Variants in TRIO observed in about 807,000 individuals in gnomAD.
TRIO encodes trio Rho guanine nucleotide exchange factor, also known as triple functional domain protein.
A neutral mutation model predicts 351.9 loss-of-function variants in TRIO; 58 were observed. The ratio of observed to expected loss-of-function variants is 0.16; its 90% confidence interval spans 0.13 to 0.21. TRIO has a LOEUF of 0.21. TRIO is among the 10% of genes least tolerant of loss of function. TRIO has a pLI of 1.00. For synonymous variants in TRIO, 1,758 were observed against 1,595.7 expected, an observed-to-expected ratio of 1.10 and a Z score of -2.42; for missense variants, 3,201 against 4,027.8, an observed-to-expected ratio of 0.79 and a Z score of 5.56.
chr5:14,500,707 G>A (rs1007497467), intron 53 of TRIO, among the ~76,000 whole-genome samples: 7 of 152,062 alleles, frequency 4.6e-5, no homozygotes, highest in Admixed American at 6.6e-5. Flanking sequence ...CAGCAACATG[G>A]CAAAACACCA....
intron 10 of TRIO, among the ~76,000 whole-genome samples, chr5:14,335,976 C>A (rs891218848): frequency 6.6e-6 from 1 of 151,938 alleles, no homozygotes. Flanking sequence ...AGCTGGAAAA[C>A]AAAACAGAAA....
intron 1 of TRIO, among the ~76,000 whole-genome samples, chr5:14,145,852 T>G (rs1787493498): frequency 6.6e-6 from 1 of 152,234 alleles, no homozygotes; most frequent in South Asian, 2.1e-4. Flanking sequence ...CTCTTGGCTT[T>G]GCTTAGGCCT....
At chr5:14,464,729 C>T (rs757064409) in intron 36 of TRIO, among the ~76,000 whole-genome samples, 16 of 152,312 alleles carry the variant, frequency 1.1e-4, no homozygotes, top group African/African-American at 2.4e-4. Context: ...CAGGACAGCC[C>T]GCTGTGGGTC....
At position 14,492,642 on chromosome 5, in the gene TRIO, A is replaced by T; in HGVS notation, c.7708A>T (p.Ile2570Phe). 6.2e-7 allele frequency: 1 copy of T among 1,614,200 alleles called. No individual in the cohort carries two copies. The highest frequency in any genetic ancestry group is 2.2e-5 in the East Asian group (1 of 44,892). The part of the protein sequence containing the change: ...HDYTAVKEDE[I>F]NVYQGEVVQI... Reference sequence around the variant, plus strand: ...TTACACGGCAGTGAAGGAGGATGAGATCAACGTCTACCAAGGAGAGGTCGT... The same window carrying T: ...TTACACGGCAGTGAAGGAGGATGAGTTCAACGTCTACCAAGGAGAGGTCGT... The change falls in exon 49 of 57, where the codon ATC (isoleucine) becomes TTC (phenylalanine). Residue 2570 changes from isoleucine (I) to phenylalanine (F), a missense_variant. By Grantham distance (21) the Ile-to-Phe change is conservative (BLOSUM62 0). Coordinates refer to ENST00000344204, the MANE Select transcript of TRIO (RefSeq NM_007118.4).
intron 1 of TRIO, among the ~76,000 whole-genome samples, chr5:14,186,366 T>A (rs1790110903): frequency 6.6e-6 from 1 of 152,150 alleles, no homozygotes; most frequent in Non-Finnish European, 1.5e-5. Context: ...TTCAAGATAG[T>A]TTTTCCACTT....
chr5:14,196,585 A>G (rs1790785738), intron 1 of TRIO, among the ~76,000 whole-genome samples: 1 of 152,170 alleles, frequency 6.6e-6, no homozygotes, highest in African/African-American at 2.4e-5. Context: ...TACTGATCCC[A>G]TGACTTGAAA....
At chr5:14,381,347 G>C (rs1746086206) in intron 21 of TRIO, 95 bp downstream of exon 21, 1 of 1,451,088 alleles carries the variant, frequency 6.9e-7, no homozygotes, top group African/African-American at 1.4e-5. Flanking sequence ...TGGAGAAAAG[G>C]ATGACCCAGT....
At chr5:14,235,744 G>A (rs1793724646) in intron 1 of TRIO, among the ~76,000 whole-genome samples, 1 of 151,852 alleles carries the variant, frequency 6.6e-6, no homozygotes. Flanking sequence ...ACAGTTCATG[G>A]GAAAGTTGTC....
At chr5:14,461,986 T>G (rs1326269897) in intron 35 of TRIO, among the ~76,000 whole-genome samples, 2 of 152,188 alleles carry the variant, frequency 1.3e-5, no homozygotes, top group East Asian at 3.8e-4. Flanking sequence ...CAGAATTCCT[T>G]CAGGATGCTG....
chr5:14,270,144 A>G (rs1795899650), intron 1 of TRIO, among the ~76,000 whole-genome samples: 1 of 152,160 alleles, frequency 6.6e-6, no homozygotes, highest in Non-Finnish European at 1.5e-5. Context: ...TTTCTACAAT[A>G]TTCCCACTGG....
rs1561448738 is a variant in TRIO at position 14,403,697 on chromosome 5, T to TAGGTTGTGGTGAGGGTGC, written c.4717-2134_4717-2133insCAGGTTGTGGTGAGGGTG. ...GAGGGTGCAGGTGGTGGTGAGGGTG[T>TAGGTTGTGGTGAGGGTGC]AGGTTGTGGTGAGGGTGTAGGTTGT... On this transcript the variant is annotated intron_variant, in intron 31 of 56. Coordinates refer to ENST00000344204, the MANE Select transcript of TRIO (RefSeq NM_007118.4). Among the ~76,000 whole-genome samples, 33 of 48,432 alleles carry TAGGTTGTGGTGAGGGTGC rather than the reference T, an allele frequency of 6.8e-4. 1 individual carries two copies. Among genetic ancestry groups the TAGGTTGTGGTGAGGGTGC allele is most frequent in the African/African-American group, 3.6e-3 (32 of 8,848 alleles). 31.8% of individuals were successfully genotyped at this position (48,432 alleles called of 152,430 possible). A position where few individuals can be genotyped will look rare whatever the true frequency, so the allele number is the denominator to read the frequency against.
chr5:14,508,709 A>C lies in TRIO; in HGVS notation c.*287A>C. ...ATAAAAAGATAACTTTTTTAAACAAACATGAATAGAATTTTGCAAATTTAA... is the reference window on the plus strand; with the variant it reads ...ATAAAAAGATAACTTTTTTAAACAACCATGAATAGAATTTTGCAAATTTAA... On this transcript the variant is annotated 3_prime_UTR_variant, in exon 57 of 57. Transcript: ENST00000344204. 6.3e-6 allele frequency: 2 copies of C among 318,060 alleles called. No homozygotes were observed. 19.7% of individuals were successfully genotyped at this position (318,060 alleles called of 1,614,324 possible).
At chr5:14,323,507 G>T (rs1041162236) in intron 9 of TRIO, among the ~76,000 whole-genome samples, 1 of 100,602 alleles carries the variant, frequency 9.9e-6, no homozygotes, top group Non-Finnish European at 2.0e-5. Context: ...AAGGAAAACA[G>T]CCACTTAAGA....
At position 14,358,527 on chromosome 5, in the gene TRIO, C is replaced by G. The variant is rs551420982; in HGVS notation, c.2216+180C>G. 4.6e-5 allele frequency among the ~76,000 whole-genome samples: 5 copies of G among 108,554 alleles called. No homozygotes were observed. In the East Asian group the frequency reaches 1.2e-3, roughly 26 times the overall value. The allele number at this position is 108,554 out of a possible 152,430, so 71.2% of individuals were successfully genotyped here. ...TCTCTTCTCTCTTTTCCTTTCCCCT[C>G]CCTTCTCTCCCTCCTTACAGTTTTA... On this transcript the variant is annotated intron_variant, in intron 12 of 56. Transcript: ENST00000344204.
At position 14,434,457 on chromosome 5, in the gene TRIO, A is replaced by AAT. The variant is rs369259630; in HGVS notation, c.5203+14436_5203+14437insAT. On this transcript the variant is annotated intron_variant, in intron 34 of 56. Transcript: ENST00000344204. ...TTTCATACTCTCAGTTTCTTTAGCT[A>AAT]TTTGCATTTAAATAACACAACACTC... Among the ~76,000 whole-genome samples the AAT allele has an allele frequency of 1.3e-3, 191 of 151,602 alleles. 1 individual carries two copies. Among genetic ancestry groups the AAT allele is most frequent in the African/African-American group, 4.2e-3 (175 of 41,350 alleles).
chr5:14,252,832 A>G (rs974070256), intron 1 of TRIO, among the ~76,000 whole-genome samples: 4 of 152,026 alleles, frequency 2.6e-5, no homozygotes, highest in African/African-American at 9.7e-5. Context: ...GGTGCCATTC[A>G]TTGAGGGAGA....
chr5:14,346,499 GGCTGATGCCAGAA>G (rs1742428988), intron 11 of TRIO, among the ~76,000 whole-genome samples: 1 of 152,194 alleles, frequency 6.6e-6, no homozygotes, highest in African/African-American at 2.4e-5. Flanking sequence ...TGGGAAAGTG[GGCTGATGCCAGAA>G]GCTGAAAACG....
At chr5:14,283,323 G>C (rs1303138481) in intron 3 of TRIO, among the ~76,000 whole-genome samples, 1 of 152,100 alleles carries the variant, frequency 6.6e-6, no homozygotes, top group Non-Finnish European at 1.5e-5. Context: ...GCAGCCCTTC[G>C]GCCATTCCTC....
At chr5:14,293,572 G>C (rs541541530) in intron 6 of TRIO, among the ~76,000 whole-genome samples, 16 of 152,314 alleles carry the variant, frequency 1.1e-4, no homozygotes, top group African/African-American at 3.8e-4. Flanking sequence ...GTTCTCCTGA[G>C]GCATGAGATT....
Sources: gnomAD v4.1 joint callset for allele counts (sites outside exome capture counted in the v4.1 genomes callset) on GRCh38, gnomAD v4.1.1 for gene constraint, MANE v1.5 for transcripts, NCBI Gene and HGNC (gene_info 2026-07-23, HGNC 2026-07-21) for gene names.